Variants in TMEM132C observed in about 807,000 individuals in gnomAD.
TMEM132C encodes the protein protein phosphatase 1, regulatory subunit 152.
A neutral mutation model predicts 61.4 loss-of-function variants in TMEM132C; 29 were observed. The ratio of observed to expected loss-of-function variants is 0.47; its 90% CI spans 0.35 to 0.64. TMEM132C has a LOEUF of 0.64. Ranked by LOEUF, TMEM132C falls within the 30% of genes least tolerant of loss-of-function variation. TMEM132C has a pLI of 0.00. For missense variants in TMEM132C, 1,408 were observed against 1,476.9 expected (o/e 0.95, Z 0.76); for synonymous variants, 656 against 633.1 (o/e 1.04, Z -0.54).
At chr12:128,575,763 C>G (rs970017340) in intron 3 of TMEM132C, among the ~76,000 whole-genome samples, 2 of 152,170 alleles carry the variant, frequency 1.3e-5, no homozygotes, top group African/African-American at 4.8e-5. Context: ...TAAAATAGGT[C>G]AAGGACGACG....
intron 1 of TMEM132C, among the ~76,000 whole-genome samples, chr12:128,378,983 G>A (rs1301432783): frequency 6.6e-6 from 1 of 152,156 alleles, no homozygotes; most frequent in Non-Finnish European, 1.5e-5. Flanking sequence ...ACATGCCTTT[G>A]CTCCTCTTTC....
chr12:128,454,757 G>A (rs1870288750), intron 2 of TMEM132C, among the ~76,000 whole-genome samples: 2 of 152,226 alleles, frequency 1.3e-5, no homozygotes, highest in Admixed American at 6.5e-5. Flanking sequence ...AGCAAAGATA[G>A]CAGACAGATT....
chr12:128,352,818 G>A (rs1873382685), intron 1 of TMEM132C, among the ~76,000 whole-genome samples: 1 of 152,208 alleles, frequency 6.6e-6, no homozygotes, highest in Non-Finnish European at 1.5e-5. Flanking sequence ...GATCCCTCAG[G>A]AAGCCAGGGC....
In TMEM132C at chr12:128,415,097, T is replaced by C. The variant is rs762040948; in HGVS notation, c.451T>C (p.Phe151Leu). 5.6e-6 allele frequency: 9 copies of C among 1,608,206 alleles called. No individual in the cohort carries two copies. Among genetic ancestry groups the C allele is most frequent in the South Asian group, 3.3e-5 (3 of 89,768 alleles). Residue 151 changes from phenylalanine to leucine, a missense_variant, in exon 2 of 9, where the codon TTC (phenylalanine) becomes CTC (leucine). By Grantham distance (22) the Phe-to-Leu change is conservative (BLOSUM62 0). Transcript: ENST00000435159. The surrounding 1 kb of genome is among the most constrained non-coding windows in gnomAD (Gnocchi z 5.8). ...GAGCCGGCCCAAAGTGCAGGTTCTT[T>C]TCCACATCATGGGCAGAGACTGGGA... Reference protein sequence around the residue: ...YLSRPKVQVLFHIMGRDWDDH... With the variant: ...YLSRPKVQVLLHIMGRDWDDH...
At chr12:128,347,418 TC>T in intron 1 of TMEM132C, among the ~76,000 whole-genome samples, 1 of 149,082 alleles carries the variant, frequency 6.7e-6, no homozygotes, top group Non-Finnish European at 1.5e-5. Flanking sequence ...TCTCTCTCTC[TC>T]TCTCTCTCTC....
intron 3 of TMEM132C, among the ~76,000 whole-genome samples, chr12:128,545,996 G>A (rs1406620677): frequency 6.6e-6 from 1 of 152,114 alleles, no homozygotes; most frequent in Admixed American, 6.5e-5. Flanking sequence ...CAAATTCTCT[G>A]CTTGGTTTAG....
chr12:128,376,047 A>G lies in TMEM132C; in HGVS notation c.86-38685A>G, dbSNP rs147330228. The stretch of plus-strand genomic sequence containing the variant: ...TCAGAGTTTCAAGCGGGGCTTTGCT[A>G]TGGGTTTGTTCTGCTTTCCCGTTTT... On this transcript the variant is annotated intron_variant, in intron 1 of 8. Transcript: ENST00000435159. Among the ~76,000 whole-genome samples the G allele has an allele frequency of 2.5e-3, 386 of 152,268 alleles. 2 individuals carry two copies. Among genetic ancestry groups the G allele is most frequent in the Non-Finnish European group, 4.0e-3 (275 of 68,020 alleles).
intron 2 of TMEM132C, among the ~76,000 whole-genome samples, chr12:128,528,114 G>C (rs752491584): frequency 1.3e-5 from 2 of 152,218 alleles, no homozygotes; most frequent in Non-Finnish European, 2.9e-5. Flanking sequence ...AAACATAGCA[G>C]AGCGCTGACT....
intron 1 of TMEM132C, among the ~76,000 whole-genome samples, chr12:128,316,534 G>C (rs1243149064): frequency 6.6e-6 from 1 of 152,162 alleles, no homozygotes; most frequent in Non-Finnish European, 1.5e-5. Context: ...TGGAAACCAG[G>C]CTTTGCAATA....
At chr12:128,669,306 A>G in intron 4 of TMEM132C, 111 bp from the exon 5 acceptor site, 1 of 1,322,312 alleles carries the variant, frequency 7.6e-7, no homozygotes, top group Admixed American at 2.3e-5. Flanking sequence ...TGTGTCTTGT[A>G]CAAACAAGGA....
intron 3 of TMEM132C, among the ~76,000 whole-genome samples, chr12:128,563,452 C>T (rs1164169588): frequency 6.6e-6 from 1 of 152,074 alleles, no homozygotes; most frequent in African/African-American, 2.4e-5. Flanking sequence ...GAGGGCTGCT[C>T]GGCAGAAAGA....
At chr12:128,473,996 C>G (rs1341342038) in intron 2 of TMEM132C, among the ~76,000 whole-genome samples, 1 of 152,210 alleles carries the variant, frequency 6.6e-6, no homozygotes, top group South Asian at 2.1e-4. Flanking sequence ...GCCTGATGCT[C>G]TTGATAACAA....
intron 2 of TMEM132C, among the ~76,000 whole-genome samples, chr12:128,432,104 A>G (rs1324525365): frequency 6.6e-6 from 1 of 152,232 alleles, no homozygotes; most frequent in African/African-American, 2.4e-5. Flanking sequence ...CAGAAAAACT[A>G]TTCTTCTCAA....
At chr12:128,525,965 C>T (rs2136131403) in intron 2 of TMEM132C, among the ~76,000 whole-genome samples, 1 of 152,324 alleles carries the variant, frequency 6.6e-6, no homozygotes, top group Non-Finnish European at 1.5e-5. Context: ...CCACGGGCTA[C>T]CACATTGGGA....
chr12:128,697,346 C>T lies in TMEM132C; in HGVS notation c.2052C>T (p.Pro684=). The change falls in exon 8 of 9, where the codon CCC becomes CCT. Residue 684 remains proline, a synonymous_variant. Transcript: ENST00000435159. ...CTGGGCTGTCTGTCGCCCTTTACCC[C>T]AACGCAGAAAACAGCAAGGCCGTAA... ...LVAGLSVALY[P]NAENSKAVTA... The T allele has an allele frequency of 6.4e-7, 1 of 1,551,282 alleles. No individual in the cohort carries two copies. Among genetic ancestry groups the T allele is most frequent in the Non-Finnish European group, 8.7e-7 (1 of 1,146,728 alleles).
chr12:128,371,288 T>G (rs988153639), intron 1 of TMEM132C, among the ~76,000 whole-genome samples: 1 of 152,158 alleles, frequency 6.6e-6, no homozygotes, highest in Admixed American at 6.5e-5. Flanking sequence ...TCTTTTTAAT[T>G]CTCTGTCAAT....
chr12:128,540,287 C>T (rs551617117), intron 2 of TMEM132C, among the ~76,000 whole-genome samples: 6 of 152,244 alleles, frequency 3.9e-5, no homozygotes, highest in African/African-American at 1.4e-4. Flanking sequence ...CAGAGTTTCG[C>T]TCTGTCACCA....
chr12:128,651,952 G>A (rs958940419), intron 4 of TMEM132C, among the ~76,000 whole-genome samples: 3 of 152,216 alleles, frequency 2.0e-5, no homozygotes, highest in African/African-American at 7.2e-5. Context: ...GAGCAGAGCA[G>A]CAGCCTGGTC....
chr12:128,383,257 G>A (rs547393123), intron 1 of TMEM132C, among the ~76,000 whole-genome samples: 4 of 152,220 alleles, frequency 2.6e-5, no homozygotes, highest in East Asian at 1.9e-4. Flanking sequence ...GTGTATATAC[G>A]TGCATGTCTG....
Sources: gnomAD v4.1 joint callset for allele counts (sites outside exome capture counted in the v4.1 genomes callset) on GRCh38, gnomAD v4.1.1 for gene constraint, Gnocchi (gnomAD v3.1) non-coding constraint, MANE v1.5 for transcripts, NCBI Gene and HGNC (gene_info 2026-07-23, HGNC 2026-07-21) for gene names.